ASB3: variants seen among roughly 807,000 people sequenced by gnomAD.
ASB3 encodes the protein ankyrin repeat and SOCS box protein 3.
Under a neutral mutation model 54.5 loss-of-function variants are expected in ASB3, and 41 were observed. The observed-to-expected ratio is 0.75, with a 90% CI of 0.59 to 0.98. The LOEUF (loss-of-function observed/expected upper bound fraction) is 0.98. Ranked by LOEUF, ASB3 falls within the 50% of genes least tolerant of loss-of-function variation. ASB3 has a pLI of 0.00. For missense variants in ASB3, 733 were observed against 620.0 expected (o/e 1.18, Z -1.94); for synonymous variants, 266 against 221.2 (o/e 1.20, Z -1.80).
At chr2:53,687,419 G>T (rs1235846591) in intron 9 of ASB3, among the ~76,000 whole-genome samples, 1 of 152,164 alleles carries the variant, frequency 6.6e-6, no homozygotes, top group Non-Finnish European at 1.5e-5. Flanking sequence ...ACAAATGAAA[G>T]GTCATGTGTC....
intron 3 of ASB3, among the ~76,000 whole-genome samples, chr2:53,741,691 T>A (rs1051298239): frequency 6.6e-6 from 1 of 152,214 alleles, no homozygotes; most frequent in South Asian, 2.1e-4. Flanking sequence ...ATCGAGAATT[T>A]CTGTTTTACT....
intron 1 of ASB3, chr2:53,771,795 T>C (rs141797288): frequency 3.0e-4 from 215 of 722,010 alleles, no homozygotes; most frequent in South Asian, 1.0e-3. Flanking sequence ...GAAATAGTGC[T>C]TCTTATGAGC....
chr2:53,717,834 C>G (rs1195635368), intron 5 of ASB3, among the ~76,000 whole-genome samples: 1 of 152,036 alleles, frequency 6.6e-6, no homozygotes, highest in East Asian at 1.9e-4. Flanking sequence ...AGATAAACAT[C>G]TTAAAAAGGA....
intron 3 of ASB3, among the ~76,000 whole-genome samples, chr2:53,734,924 T>C (rs1671535639): frequency 6.7e-6 from 1 of 149,726 alleles, no homozygotes; most frequent in Non-Finnish European, 1.5e-5. Context: ...ACAAGTTTTT[T>C]TTTTTTTTTT....
intron 5 of ASB3, among the ~76,000 whole-genome samples, chr2:53,727,666 CT>C (rs1469434517): frequency 6.6e-6 from 1 of 152,156 alleles, no homozygotes; most frequent in African/African-American, 2.4e-5. Flanking sequence ...AACAAACAAA[CT>C]TTGTATGATC....
intron 5 of ASB3, among the ~76,000 whole-genome samples, chr2:53,726,038 G>C (rs374143852): frequency 4.1e-4 from 62 of 152,078 alleles, no homozygotes; most frequent in African/African-American, 1.4e-3. Context: ...AAAAATTACA[G>C]ACAACTCACT....
intron 9 of ASB3, among the ~76,000 whole-genome samples, chr2:53,682,299 A>G (rs906764736): frequency 2.0e-5 from 3 of 152,190 alleles, no homozygotes; most frequent in South Asian, 2.1e-4. Flanking sequence ...CTTTCAATCA[A>G]TGAACACAGA....
At chr2:53,724,922 T>C (rs148609649) in intron 5 of ASB3, among the ~76,000 whole-genome samples, 6 of 152,202 alleles carry the variant, frequency 3.9e-5, no homozygotes, top group Non-Finnish European at 7.4e-5. Flanking sequence ...AGCAATTCCA[T>C]CACTGGGTAT....
At chr2:53,680,223 A>G (rs1668295520) in intron 9 of ASB3, among the ~76,000 whole-genome samples, 1 of 152,154 alleles carries the variant, frequency 6.6e-6, no homozygotes, top group Admixed American at 6.5e-5. Flanking sequence ...ATGTGTCTTT[A>G]TGACAGAAAG....
intron 1 of ASB3, among the ~76,000 whole-genome samples, chr2:53,766,533 C>T (rs1391606665): frequency 2.0e-5 from 3 of 152,074 alleles, no homozygotes; most frequent in Admixed American, 6.5e-5. Context: ...TTATGAGACA[C>T]ATGTAGAGTA....
intron 2 of ASB3, among the ~76,000 whole-genome samples, chr2:53,761,003 C>A (rs544661476): frequency 6.6e-6 from 1 of 152,160 alleles, no homozygotes; most frequent in Non-Finnish European, 1.5e-5. Context: ...CTAAACTGCA[C>A]GACCCCTACT....
At chr2:53,675,179 A>T (rs1054444660) in intron 9 of ASB3, among the ~76,000 whole-genome samples, 6 of 152,228 alleles carry the variant, frequency 3.9e-5, no homozygotes, top group African/African-American at 1.4e-4. Context: ...AAAGCATTTC[A>T]TAAAGTGAAA....
Position 53,737,346 on chromosome 2 carries a change from G to A in ASB3, c.356-7776C>T, listed in dbSNP as rs542936752. ...CCAACCAGAGGAAAGAGGCTCAAGT[G>A]CAGTAGTAAACTGAGGAGACAGAGA... On this transcript the variant is annotated intron_variant, in intron 3 of 9. Coordinates refer to ENST00000263634, the MANE Select transcript of ASB3 (RefSeq NM_016115.5). Among the ~76,000 whole-genome samples the A allele has an allele frequency of 5.9e-5, 9 of 152,284 alleles. No homozygotes were observed. In the South Asian group the frequency reaches 1.9e-3, roughly 32 times the overall value.
intron 3 of ASB3, among the ~76,000 whole-genome samples, chr2:53,736,465 G>A (rs1034433972): frequency 4.0e-5 from 6 of 151,226 alleles, no homozygotes; most frequent in Admixed American, 1.3e-4. Context: ...TTGGGAGGCC[G>A]AGGCAGGCGG....
chr2:53,718,838 C>T (rs1418309691), intron 5 of ASB3, among the ~76,000 whole-genome samples: 1 of 151,632 alleles, frequency 6.6e-6, no homozygotes, highest in Non-Finnish European at 1.5e-5. Flanking sequence ...GTAACAACAC[C>T]CATAGGCTCA....
At chr2:53,750,655 A>G (rs1287891269) in intron 3 of ASB3, 128 bp downstream of exon 3, 1 of 1,017,870 alleles carries the variant, frequency 9.8e-7, no homozygotes, top group African/African-American at 1.7e-5. Context: ...AAATCAAGGA[A>G]GTAGTGGTAT....
intron 1 of ASB3, among the ~76,000 whole-genome samples, chr2:53,782,135 C>A (rs1674682906): frequency 6.6e-6 from 1 of 152,186 alleles, no homozygotes; most frequent in South Asian, 2.1e-4. Context: ...AGTGATCATG[C>A]AACTGCACTC....
At chr2:53,771,919 G>A (rs199920944) in intron 1 of ASB3, 1 of 1,566,180 alleles carries the variant, frequency 6.4e-7, no homozygotes, top group Non-Finnish European at 8.7e-7. Flanking sequence ...TGGAAGAGTT[G>A]TGACTCTTGT....
intron 9 of ASB3, among the ~76,000 whole-genome samples, chr2:53,677,754 TA>T (rs1373852068): frequency 2.0e-5 from 3 of 152,136 alleles, no homozygotes; most frequent in Non-Finnish European, 4.4e-5. Flanking sequence ...TCCTAGGACT[TA>T]AAACATTGAG....
Sources: allele counts gnomAD v4.1 joint callset (sites outside exome capture counted in the v4.1 genomes callset), GRCh38; gene constraint gnomAD v4.1.1; transcripts MANE v1.5; gene names NCBI Gene and HGNC (gene_info 2026-07-23, HGNC 2026-07-21).